TACC2: variants seen among roughly 807,000 people sequenced by gnomAD.
TACC2 encodes the protein transforming acidic coiled-coil-containing protein 2.
Under a neutral mutation model 227.3 loss-of-function variants are expected in TACC2, and 137 were observed. That is an observed-to-expected ratio of 0.60 (90% CI 0.52 to 0.69). TACC2 has a LOEUF of 0.69. TACC2 is among the 30% of genes least tolerant of loss of function. TACC2 has a pLI of 0.00. For missense variants in TACC2, 3,470 were observed against 3,694.4 expected (o/e 0.94, Z 1.57); for synonymous variants, 1,523 against 1,487.5 (o/e 1.02, Z -0.55).
At chr10:122,132,053 A>AAGGAAGGAAGGAAGGAAGGAAGGAAGG (rs2088297597) in intron 5 of TACC2, among the ~76,000 whole-genome samples, 1 of 31,080 alleles carries the variant, frequency 3.2e-5, no homozygotes, top group African/African-American at 7.0e-5. Context: ...AGAAAGAAAG[A>AAGGAAGGAAGGAAGGAAGGAAGGAAGG]AAGAAAGAAA....
chr10:122,027,928 A>G (rs1221702930), intron 2 of TACC2, among the ~76,000 whole-genome samples: 4 of 151,520 alleles, frequency 2.6e-5, no homozygotes, highest in African/African-American at 9.7e-5. Context: ...TATTTTTAGT[A>G]GAGACGGGGT....
rs954027989 is a variant in TACC2, at chr10:122,249,776, G to A, written c.8781+112G>A. 1.4e-5 allele frequency: 18 copies of A among 1,319,130 alleles called. No individual in the cohort carries two copies. The East Asian group carries it at 1.5e-4, about 11-fold the overall frequency. 81.7% of individuals were successfully genotyped at this position (1,319,130 alleles called of 1,614,324 possible). On this transcript the variant is annotated intron_variant, in intron 22 of 22. Coordinates refer to ENST00000369005, the MANE Select transcript of TACC2 (RefSeq NM_206862.4). ...CCTGGCCACTGCTGCTCCTGAAGAC[G>A]AATTCATGCTTCATGAGCATACCCT...
chr10:122,134,143 C>G (rs1293016312), intron 6 of TACC2, among the ~76,000 whole-genome samples: 1 of 151,090 alleles, frequency 6.6e-6, no homozygotes, highest in East Asian at 1.9e-4. Flanking sequence ...TTAGACGTTC[C>G]TTTTATAGGT....
At position 122,083,676 on chromosome 10, in the gene TACC2, A is replaced by C. The variant is rs745676307; in HGVS notation, c.1176A>C (p.Ala392=). 1 of 1,612,220 alleles carries C rather than the reference A, an allele frequency of 6.2e-7. No homozygotes were observed. The highest frequency in any genetic ancestry group is 1.7e-5 in the Admixed American group (1 of 60,024). Residue 392 remains alanine, a synonymous_variant, in exon 4 of 23, where the codon GCA becomes GCC. Coordinates refer to ENST00000369005, the MANE Select transcript of TACC2 (RefSeq NM_206862.4). The part of the protein sequence containing the change: ...GTKPNQVVCV[A]AGGQPEGGLP... ...AGCCCAATCAAGTTGTCTGTGTGGC[A>C]GCAGGCGGCCAGCCCGAAGGGGGTT...
Position 122,254,105 on chromosome 10 carries a change from C to T in TACC2, c.*49C>T, listed in dbSNP as rs753572151. On this transcript the variant is annotated 3_prime_UTR_variant, in exon 23 of 23. Transcript: ENST00000369005. The stretch of plus-strand genomic sequence containing the variant: ...TAACTGTTGCGTGCAATATGACCGT[C>T]GGCACACTGCTGTTCCTCCAGTTCC... 37 of 1,458,558 alleles carry T rather than the reference C, an allele frequency of 2.5e-5. No homozygotes were observed. Among genetic ancestry groups the T allele is most frequent in the Admixed American group, 8.4e-5 (5 of 59,798 alleles). The allele number at this position is 1,458,558 out of a possible 1,614,324, so 90.4% of individuals were successfully genotyped here.
intron 1 of TACC2, among the ~76,000 whole-genome samples, chr10:122,008,258 A>ATTG (rs1955453767): frequency 2.9e-5 from 2 of 69,902 alleles, no homozygotes; most frequent in African/African-American, 1.0e-4. Flanking sequence ...TATTATTATT[A>ATTG]TTATTATTTT....
intron 18 of TACC2, among the ~76,000 whole-genome samples, 171 bp downstream of exon 18, chr10:122,238,208 A>G (rs2095899081): frequency 1.3e-5 from 2 of 152,190 alleles, no homozygotes; most frequent in Admixed American, 1.3e-4. Context: ...TACTATTACT[A>G]AAATAGCATG....
intron 3 of TACC2, among the ~76,000 whole-genome samples, chr10:122,073,064 G>C (rs1352556353): frequency 1.6e-5 from 2 of 123,950 alleles, no homozygotes; most frequent in Non-Finnish European, 3.1e-5. Flanking sequence ...AGTGAGCCAA[G>C]ATCACGCCAT....
chr10:122,087,970 G>GA lies in TACC2; in HGVS notation c.5459+17dup. 1 of 1,493,086 alleles carries GA rather than the reference G, an allele frequency of 6.7e-7. No homozygotes were observed. The highest frequency in any genetic ancestry group is 8.9e-7 in the Non-Finnish European group (1 of 1,122,254). 92.5% of individuals were successfully genotyped at this position (1,493,086 alleles called of 1,614,324 possible). Reference sequence around the variant, plus strand: ...GCTCCACACTGACAGGTACTTAAATGAAAAAATTCCCACGGGAATGTGTGG... The same window carrying GA: ...GCTCCACACTGACAGGTACTTAAATGAAAAAAATTCCCACGGGAATGTGTGG... On this transcript the variant is annotated intron_variant, in intron 4 of 22. Coordinates refer to ENST00000369005, the MANE Select transcript of TACC2 (RefSeq NM_206862.4).
At chr10:122,075,133 C>T (rs943009039) in intron 3 of TACC2, among the ~76,000 whole-genome samples, 3 of 151,808 alleles carry the variant, frequency 2.0e-5, no homozygotes, top group African/African-American at 7.3e-5. Flanking sequence ...CGCTCGGGTC[C>T]CTTTCCACGC....
chr10:122,128,161 C>G (rs2087249499), intron 5 of TACC2, among the ~76,000 whole-genome samples: 1 of 152,102 alleles, frequency 6.6e-6, no homozygotes, highest in African/African-American at 2.4e-5. Flanking sequence ...GGCGCTTTCA[C>G]TTTTACAGAC....
At chr10:122,042,026 A>G (rs1230133879) in intron 2 of TACC2, among the ~76,000 whole-genome samples, 1 of 151,968 alleles carries the variant, frequency 6.6e-6, no homozygotes, top group African/African-American at 2.4e-5. Flanking sequence ...GCTCACTGCA[A>G]GCTCCACCTC....
At chr10:122,114,382 G>GT (rs2084253240) in intron 5 of TACC2, among the ~76,000 whole-genome samples, 1 of 152,234 alleles carries the variant, frequency 6.6e-6, no homozygotes. Flanking sequence ...CAGATTAACA[G>GT]TTGAATCTTA....
Position 122,194,392 on chromosome 10 carries a change from G to A in TACC2, c.5835-648G>A, listed in dbSNP as rs1021689441. ...GGCCATTTTCACTGTGTCGGGGTTG[G>A]TGGCCGTGCTTTGTGTCTTGGTCTG... On this transcript the variant is annotated intron_variant, in intron 7 of 22. Transcript: ENST00000369005. The surrounding 1 kb of genome is among the most constrained non-coding windows in gnomAD (Gnocchi z 4.4). Among the ~76,000 whole-genome samples the A allele has an allele frequency of 1.3e-5, 2 of 152,176 alleles. No homozygotes were observed. Among genetic ancestry groups the A allele is most frequent in the Non-Finnish European group, 2.9e-5 (2 of 68,038 alleles).
At chr10:122,106,284 G>A (rs552887602) in intron 5 of TACC2, among the ~76,000 whole-genome samples, 26 of 152,228 alleles carry the variant, frequency 1.7e-4, no homozygotes, top group African/African-American at 5.5e-4. Flanking sequence ...CACCGCGCCC[G>A]GCCCCTGTCT....
At position 122,211,223 on chromosome 10, in the gene TACC2, G is replaced by C. The variant is rs143290941; in HGVS notation, c.6798G>C (p.Glu2266Asp). ...SPAKGLSVRL[E>D]FDYSEDKSSW... ...CCAAAGGGCTCTCCGTAAGGCTGGAGTTTGACTATTCTGAGGACAAGAGTA... is the reference window on the plus strand; with the variant it reads ...CCAAAGGGCTCTCCGTAAGGCTGGACTTTGACTATTCTGAGGACAAGAGTA... Residue 2266 changes from glutamate (E) to aspartate (D), a missense_variant, in exon 9 of 23, where the codon GAG becomes GAC. Physicochemically the swap from Glu to Asp is conservative, Grantham distance 45. Around this residue, in one of 10 missense-constraint regions of TACC2, gnomAD observed 593 missense variants for 636.6 expected, o/e 0.93. Transcript: ENST00000369005. 1 of 1,614,036 alleles carries C rather than the reference G, an allele frequency of 6.2e-7. No homozygotes were observed.
chr10:122,116,687 A>G (rs1253061040), intron 5 of TACC2, among the ~76,000 whole-genome samples: 2 of 152,202 alleles, frequency 1.3e-5, no homozygotes, highest in African/African-American at 4.8e-5. Context: ...TCATCTGGTT[A>G]TGATTAAAAG....
rs761890514 is a variant in TACC2, at chr10:122,241,998, A to T, written c.8389A>T (p.Ile2797Leu). Residue 2797 changes from isoleucine (I) to leucine (L), a missense_variant, in exon 19 of 23, where the codon ATA becomes TTA. By Grantham distance (5) the Ile-to-Leu change is conservative. Around this residue, in one of 10 missense-constraint regions of TACC2, gnomAD observed 65 missense variants for 119.3 expected, o/e 0.54. Transcript: ENST00000369005. ...AEYEKTIAQM[I>L]EDEQREKSVS... ...GTATGAGAAGACCATCGCTCAGATG[A>T]TAGGTAGGTGTCCTGACCTGCGGGG... 1.2e-6 allele frequency: 2 copies of T among 1,614,170 alleles called. No individual in the cohort carries two copies. Among genetic ancestry groups the T allele is most frequent in the Non-Finnish European group, 8.5e-7 (1 of 1,179,974 alleles).
Position 122,194,963 on chromosome 10 carries a change from G to A in TACC2, c.5835-77G>A, listed in dbSNP as rs1258871151. 6.1e-6 allele frequency: 9 copies of A among 1,479,832 alleles called. No homozygotes were observed. Among genetic ancestry groups the A allele is most frequent in the Admixed American group, 2.0e-5 (1 of 49,664 alleles). The allele number at this position is 1,479,832 out of a possible 1,614,324, so 91.7% of individuals were successfully genotyped here. Reference sequence around the variant, plus strand: ...CAGCGAGCCAGAACCCACTGGCTCTGGGTGCGAAGGCCACACCGGCTCAGC... The same window carrying A: ...CAGCGAGCCAGAACCCACTGGCTCTAGGTGCGAAGGCCACACCGGCTCAGC... On this transcript the variant is annotated intron_variant, in intron 7 of 22. Coordinates refer to ENST00000369005, the MANE Select transcript of TACC2 (RefSeq NM_206862.4). The surrounding 1 kb of genome is among the most constrained non-coding windows in gnomAD (Gnocchi z 4.4).
Sources: allele counts gnomAD v4.1 joint callset (sites outside exome capture counted in the v4.1 genomes callset), GRCh38; gene constraint gnomAD v4.1.1; regional missense constraint gnomAD v4.1.1; non-coding constraint Gnocchi (gnomAD v3.1); transcripts MANE v1.5; gene names NCBI Gene and HGNC (gene_info 2026-07-23, HGNC 2026-07-21).